Variants in TSPAN12 observed in about 807,000 individuals in gnomAD.
TSPAN12 encodes the protein tetraspanin-12.
Under a neutral mutation model 39.2 loss-of-function variants are expected in TSPAN12, and 19 were observed. The observed-to-expected ratio is 0.49, with a 90% CI of 0.34 to 0.71. The LOEUF (loss-of-function observed/expected upper bound fraction) is 0.71, where lower values mean the gene tolerates loss of function less well. Among genes scored for constraint, TSPAN12 ranks in the 30% least tolerant of loss-of-function variants. The probability of loss-of-function intolerance (pLI) is 0.01; values close to 1 mark genes in which losing one functional copy is unlikely to be tolerated. For missense variants in TSPAN12, 314 were observed against 359.9 expected, an observed-to-expected ratio of 0.87 and a Z score of 1.03; for synonymous variants, 119 against 124.8, an observed-to-expected ratio of 0.95 and a Z score of 0.31.
chr7:120,809,430 C>T (rs1793935704), intron 6 of TSPAN12, among the ~76,000 whole-genome samples: 1 of 152,076 alleles, frequency 6.6e-6, no homozygotes, highest in Non-Finnish European at 1.5e-5. Flanking sequence ...TTAGGAAGCA[C>T]TTAAATAAAC....
At chr7:120,800,490 C>T (rs1233172152) in intron 7 of TSPAN12, among the ~76,000 whole-genome samples, 2 of 152,082 alleles carry the variant, frequency 1.3e-5, no homozygotes, top group African/African-American at 4.8e-5. Context: ...GTCCAGCTGA[C>T]GTCTGATCAC....
chr7:120,800,744 G>GTTTTTTT lies in TSPAN12; in HGVS notation c.612+5798_612+5804dup, dbSNP rs148802163. On this transcript the variant is annotated intron_variant, in intron 7 of 7. Coordinates refer to ENST00000222747, the MANE Select transcript of TSPAN12 (RefSeq NM_012338.4). ...CTGCTGAAATAAAGTTTTCCTTATC[G>GTTTTTTT]TTTTTTTTTGTTTTTTTTTTTTGAG... Among the ~76,000 whole-genome samples, 18 of 118,736 alleles carry GTTTTTTT rather than the reference G, an allele frequency of 1.5e-4. 3 individuals carry two copies. The highest frequency in any genetic ancestry group is 2.6e-4 in the East Asian group (1 of 3,818). 77.9% of individuals were successfully genotyped at this position (118,736 alleles called of 152,430 possible).
At chr7:120,847,617 T>C (rs1301721900) in intron 2 of TSPAN12, among the ~76,000 whole-genome samples, 1 of 152,226 alleles carries the variant, frequency 6.6e-6, no homozygotes, top group East Asian at 1.9e-4. Flanking sequence ...CTCAGCTCTA[T>C]ATCTAATTAG....
rs76932672 is a variant in TSPAN12 at position 120,846,695 on chromosome 7, C to T, written c.67-6586G>A. 5.2e-3 allele frequency among the ~76,000 whole-genome samples: 789 copies of T among 152,284 alleles called. 6 individuals carry two copies. Among genetic ancestry groups the T allele is most frequent in the African/African-American group, 0.018 (757 of 41,548 alleles). On this transcript the variant is annotated intron_variant, in intron 2 of 7. Coordinates refer to ENST00000222747, the MANE Select transcript of TSPAN12 (RefSeq NM_012338.4). ...CACTGATGAACAGTAACAGACACTGCCTCTGTGGTGCAATTAACTAAGTGA... is the reference window on the plus strand; with the variant it reads ...CACTGATGAACAGTAACAGACACTGTCTCTGTGGTGCAATTAACTAAGTGA...
intron 2 of TSPAN12, among the ~76,000 whole-genome samples, chr7:120,853,369 G>C (rs1794806182): frequency 6.6e-6 from 1 of 150,864 alleles, no homozygotes; most frequent in Non-Finnish European, 1.5e-5. Context: ...TTGCATTACA[G>C]GTGTGAGCCA....
At chr7:120,845,496 C>T (rs966802338) in intron 2 of TSPAN12, among the ~76,000 whole-genome samples, 1 of 152,108 alleles carries the variant, frequency 6.6e-6, no homozygotes, top group African/African-American at 2.4e-5. Context: ...CATATATGAC[C>T]ATACATTTTA....
chr7:120,817,152 T>C (rs1196577648), intron 4 of TSPAN12, among the ~76,000 whole-genome samples: 1 of 151,568 alleles, frequency 6.6e-6, no homozygotes, highest in Non-Finnish European at 1.5e-5. Context: ...GGTGGGAGGG[T>C]CACTTGAGTC....
At chr7:120,791,024 G>A (rs774638703) in intron 7 of TSPAN12, among the ~76,000 whole-genome samples, 1 of 152,038 alleles carries the variant, frequency 6.6e-6, no homozygotes, top group Non-Finnish European at 1.5e-5. Flanking sequence ...AATTATAATA[G>A]ATTTCAGAAT....
At chr7:120,855,331 G>A (rs1414999429) in intron 2 of TSPAN12, among the ~76,000 whole-genome samples, 1 of 152,188 alleles carries the variant, frequency 6.6e-6, no homozygotes, top group Non-Finnish European at 1.5e-5. Context: ...AAGGAAGGAC[G>A]TTCAACCAGG....
At chr7:120,838,523 A>G (rs1794520451) in intron 4 of TSPAN12, among the ~76,000 whole-genome samples, 1 of 152,240 alleles carries the variant, frequency 6.6e-6, no homozygotes, top group African/African-American at 2.4e-5. Flanking sequence ...GACACTAGAA[A>G]GAACTCATAC....
rs559779663 is a variant in TSPAN12, at chr7:120,811,495, C to T, written c.361-925G>A. 6.6e-5 allele frequency among the ~76,000 whole-genome samples: 10 copies of T among 151,852 alleles called. No individual in the cohort carries two copies. The South Asian group carries it at 1.5e-3, about 22-fold the overall frequency. ...CATCCTGGCTAACACAGTGAAACCCCGTCTCTACTAAAAATACAAAAAAAA... is the reference window on the plus strand; with the variant it reads ...CATCCTGGCTAACACAGTGAAACCCTGTCTCTACTAAAAATACAAAAAAAA... On this transcript the variant is annotated intron_variant, in intron 5 of 7. Transcript: ENST00000222747.
chr7:120,803,773 T>C lies in TSPAN12; in HGVS notation c.612+2776A>G, dbSNP rs555877857. ...GGGCTATCAACTTGCACATGCACAA[T>C]AGTATGGCTTGTTTCAATTTCAAAA... On this transcript the variant is annotated intron_variant, in intron 7 of 7. Coordinates refer to ENST00000222747, the MANE Select transcript of TSPAN12 (RefSeq NM_012338.4). 3.2e-4 allele frequency among the ~76,000 whole-genome samples: 49 copies of C among 152,296 alleles called. 1 individual carries two copies. The South Asian group carries it at 9.3e-3, about 29-fold the overall frequency.
chr7:120,848,123 C>T lies in TSPAN12; in HGVS notation c.67-8014G>A, dbSNP rs531417724. ...GGAATACCATCCTGCCCCAGCTTTCCTGTTCTCATGTGCTGAGCAACATCT... is the reference window on the plus strand; with the variant it reads ...GGAATACCATCCTGCCCCAGCTTTCTTGTTCTCATGTGCTGAGCAACATCT... On this transcript the variant is annotated intron_variant, in intron 2 of 7. Coordinates refer to ENST00000222747, the MANE Select transcript of TSPAN12 (RefSeq NM_012338.4). 3.3e-5 allele frequency among the ~76,000 whole-genome samples: 5 copies of T among 152,316 alleles called. No individual in the cohort carries two copies. In the East Asian group the frequency reaches 5.8e-4, roughly 18 times the overall value.
At position 120,788,372 on chromosome 7, in the gene TSPAN12, A is replaced by G. The variant is rs1313101998; in HGVS notation, c.*220T>C. 1 of 577,636 alleles carries G rather than the reference A, an allele frequency of 1.7e-6. No individual in the cohort carries two copies. The highest frequency in any genetic ancestry group is 3.1e-6 in the Non-Finnish European group (1 of 327,522). 35.8% of individuals were successfully genotyped at this position (577,636 alleles called of 1,614,324 possible). ...ACACAGGCTACACAGTGGGTATGAC[A>G]TCTGTCTTCAGCATTTTAAGGGCAT... On this transcript the variant is annotated 3_prime_UTR_variant, in exon 8 of 8. Transcript: ENST00000222747.
intron 2 of TSPAN12, among the ~76,000 whole-genome samples, chr7:120,842,231 C>T (rs2116476779): frequency 6.7e-6 from 1 of 148,720 alleles, no homozygotes; most frequent in South Asian, 2.2e-4. Context: ...AGCTCTACAG[C>T]TTTGAACAGT....
Position 120,815,712 on chromosome 7 carries a change from A to G in TSPAN12, c.360+17T>C. On this transcript the variant is annotated intron_variant, in intron 5 of 7. Transcript: ENST00000222747. Reference sequence around the variant, plus strand: ...AACTGTTGTTTTAGATTGTGATTATATCTATTTTGAACTCACCATAAGTTC... The same window carrying G: ...AACTGTTGTTTTAGATTGTGATTATGTCTATTTTGAACTCACCATAAGTTC... 1 of 1,604,652 alleles carries G rather than the reference A, an allele frequency of 6.2e-7. No homozygotes were observed. The highest frequency in any genetic ancestry group is 1.1e-5 in the South Asian group (1 of 90,452).
At chr7:120,811,386 C>T (rs985786497) in intron 5 of TSPAN12, among the ~76,000 whole-genome samples, 1 of 152,028 alleles carries the variant, frequency 6.6e-6, no homozygotes, top group Admixed American at 6.6e-5. Context: ...ATGTATATAT[C>T]AGCTGGGCAT....
chr7:120,822,229 T>C lies in TSPAN12; in HGVS notation c.286-6426A>G, dbSNP rs1794201067. ...GGATTAATTCCCCCCACTTTTAAAG[T>C]TATTTAACATCACTATATGTACACA... On this transcript the variant is annotated intron_variant, in intron 4 of 7. Transcript: ENST00000222747. Among the ~76,000 whole-genome samples, 4 of 152,086 alleles carry C rather than the reference T, an allele frequency of 2.6e-5. No homozygotes were observed. The South Asian group carries it at 8.3e-4, about 31-fold the overall frequency.
At chr7:120,855,347 T>C (rs1328039504) in intron 2 of TSPAN12, among the ~76,000 whole-genome samples, 1 of 152,252 alleles carries the variant, frequency 6.6e-6, no homozygotes, top group Non-Finnish European at 1.5e-5. Context: ...CCAGGCCATC[T>C]TTAAAGCTCC....
Sources: allele counts gnomAD v4.1 joint callset (sites outside exome capture counted in the v4.1 genomes callset), GRCh38; gene constraint gnomAD v4.1.1; transcripts MANE v1.5; gene names NCBI Gene and HGNC (gene_info 2026-07-23, HGNC 2026-07-21).